Variants in GNAL observed in about 807,000 individuals in gnomAD.
GNAL encodes the protein G protein subunit alpha L.
A neutral mutation model predicts 55.1 loss-of-function variants in GNAL; 18 were observed. The observed-to-expected ratio is 0.33, with a 90% CI of 0.23 to 0.48. The LOEUF (loss-of-function observed/expected upper bound fraction) is 0.48. GNAL is among the 20% of genes least tolerant of loss of function. GNAL has a pLI of 0.99. For missense variants in GNAL, 412 were observed against 614.1 expected (o/e 0.67, Z 3.48); for synonymous variants, 253 against 237.0 (o/e 1.07, Z -0.62).
chr18:11,818,476 A>C (rs1005239417), intron 4 of GNAL, among the ~76,000 whole-genome samples: 1 of 152,234 alleles, frequency 6.6e-6, no homozygotes, highest in African/African-American at 2.4e-5. Flanking sequence ...ACAGTGGTGG[A>C]CATTATTCAC....
chr18:11,700,486 G>A (rs2031540706), intron 1 of GNAL, among the ~76,000 whole-genome samples: 2 of 152,234 alleles, frequency 1.3e-5, no homozygotes, highest in African/African-American at 2.4e-5. Flanking sequence ...GGAATCACAG[G>A]ATTGTTGCCC....
chr18:11,754,365 C>G (rs922072044), intron 4 of GNAL, among the ~76,000 whole-genome samples: 1 of 151,022 alleles, frequency 6.6e-6, no homozygotes, highest in Non-Finnish European at 1.5e-5. Context: ...TGCCATGAGC[C>G]GAGATCACGC....
At chr18:11,710,068 T>C (rs2031800645) in intron 1 of GNAL, among the ~76,000 whole-genome samples, 2 of 152,216 alleles carry the variant, frequency 1.3e-5, no homozygotes, top group East Asian at 1.9e-4. Context: ...ACTATGTTAT[T>C]TTTGTCCTTC....
intron 1 of GNAL, among the ~76,000 whole-genome samples, chr18:11,734,438 G>C (rs879863487): frequency 5.9e-5 from 9 of 152,036 alleles, no homozygotes; most frequent in Non-Finnish European, 1.0e-4. Flanking sequence ...ACCGCGCCGG[G>C]TGTAGATTTT....
chr18:11,704,114 G>A (rs1202485194), intron 1 of GNAL, among the ~76,000 whole-genome samples: 1 of 152,168 alleles, frequency 6.6e-6, no homozygotes, highest in African/African-American at 2.4e-5. Flanking sequence ...ACAATACAAA[G>A]GAAGCAGCAT....
At chr18:11,691,231 T>C (rs2031237813) in intron 1 of GNAL, among the ~76,000 whole-genome samples, 2 of 151,970 alleles carry the variant, frequency 1.3e-5, no homozygotes, top group Admixed American at 1.3e-4. Flanking sequence ...CATTTTTTCA[T>C]GTGTGTTTTG....
At chr18:11,864,468 C>A in intron 6 of GNAL, 65 bp from the exon 7 acceptor site, 1 of 837,902 alleles carries the variant, frequency 1.2e-6, no homozygotes, top group Admixed American at 1.7e-5. Flanking sequence ...TATAGTTATA[C>A]CCGGGCTTTA....
chr18:11,874,146 C>T (rs1280117055), intron 10 of GNAL: 1 of 152,346 alleles, frequency 6.6e-6, no homozygotes, highest in Non-Finnish European at 1.5e-5. Context: ...TGAGGGGACC[C>T]TGGCTTGCTG....
chr18:11,757,419 G>C (rs1277949239), intron 4 of GNAL, among the ~76,000 whole-genome samples: 1 of 152,198 alleles, frequency 6.6e-6, no homozygotes, highest in East Asian at 1.9e-4. Context: ...CGGATTGTGG[G>C]GAGGCAGGAG....
At chr18:11,785,593 A>G (rs2143388087) in intron 4 of GNAL, among the ~76,000 whole-genome samples, 1 of 152,324 alleles carries the variant, frequency 6.6e-6, no homozygotes, top group South Asian at 2.1e-4. Flanking sequence ...CCAGCCTTTC[A>G]GAGTTTTGTT....
intron 1 of GNAL, among the ~76,000 whole-genome samples, chr18:11,741,311 A>G (rs939494575): frequency 1.3e-5 from 2 of 152,262 alleles, no homozygotes; most frequent in African/African-American, 4.8e-5. Flanking sequence ...TGTGGGCAAT[A>G]TGGTGCATTC....
In GNAL at chr18:11,689,819, C is replaced by G; in HGVS notation, c.256C>G (p.Arg86Gly). The change falls in exon 1 of 12, where the codon CGC becomes GGC. Residue 86 changes from arginine (R) to glycine (G), a missense_variant. By Grantham distance (125) the Arg-to-Gly change is moderately radical. Transcript: ENST00000334049. Reference protein sequence around the residue: ...QRTEQLSAEEREAAKEREAVK... With the variant: ...QRTEQLSAEEGEAAKEREAVK... ...CACCGAGCAGCTGAGTGCCGAGGAG[C>G]GCGAGGCGGCCAAGGAGCGCGAGGC... The G allele has an allele frequency of 3.3e-6, 5 of 1,536,728 alleles. No individual in the cohort carries two copies. The highest frequency in any genetic ancestry group is 1.4e-5 in the African/African-American group (1 of 70,546).
chr18:11,828,707 G>A (rs960288324), intron 5 of GNAL, among the ~76,000 whole-genome samples: 7 of 151,950 alleles, frequency 4.6e-5, no homozygotes, highest in Admixed American at 4.6e-4. Context: ...CGTAGTAATA[G>A]AATTAATAAT....
chr18:11,798,363 G>A (rs2034442256), intron 4 of GNAL, among the ~76,000 whole-genome samples: 3 of 152,188 alleles, frequency 2.0e-5, no homozygotes, highest in African/African-American at 7.2e-5. Context: ...TGAAACCTTT[G>A]TAGTTAATGG....
intron 1 of GNAL, among the ~76,000 whole-genome samples, chr18:11,723,138 C>T (rs529205149): frequency 6.6e-5 from 10 of 152,088 alleles, no homozygotes; most frequent in Non-Finnish European, 1.2e-4. Flanking sequence ...GAGCCAAGAT[C>T]GTGCCACTGC....
At chr18:11,732,487 C>G (rs1439644826) in intron 1 of GNAL, among the ~76,000 whole-genome samples, 1 of 151,342 alleles carries the variant, frequency 6.6e-6, no homozygotes, top group Non-Finnish European at 1.5e-5. Context: ...AATGTCTGTT[C>G]AAATCCTTTG....
At chr18:11,872,246 A>G (rs202245674) in intron 9 of GNAL, 22 bp from the exon 10 acceptor site, 27 of 1,532,376 alleles carry the variant, frequency 1.8e-5, no homozygotes, top group Non-Finnish European at 2.4e-5. Flanking sequence ...TGAAATTTGT[A>G]TGTTTATTTT....
At chr18:11,745,800 C>A in intron 1 of GNAL, 1 of 168,542 alleles carries the variant, frequency 5.9e-6, no homozygotes. Context: ...ATATTTGTAG[C>A]CCTGTTACAA....
chr18:11,870,413 C>T lies in GNAL; in HGVS notation c.1031+1750C>T, dbSNP rs767554466. The stretch of plus-strand genomic sequence containing the variant: ...GTGGGCGCCTGTAATCCCAGCTACT[C>T]GGGAGGCTGAGGCAGGAGAATCGCT... On this transcript the variant is annotated intron_variant, in intron 9 of 11. Transcript: ENST00000334049. Among the ~76,000 whole-genome samples the T allele has an allele frequency of 4.6e-5, 7 of 151,800 alleles. No homozygotes were observed. In the East Asian group the frequency reaches 5.8e-4, roughly 13 times the overall value.
Sources: gnomAD v4.1 joint callset for allele counts (sites outside exome capture counted in the v4.1 genomes callset) on GRCh38, gnomAD v4.1.1 for gene constraint, MANE v1.5 for transcripts, NCBI Gene and HGNC (gene_info 2026-07-23, HGNC 2026-07-21) for gene names.